The following FRAS1 variants were observed in gnomAD, a reference collection of about 807,000 sequenced individuals.
FRAS1 encodes the protein Fraser extracellular matrix complex subunit 1.
A neutral mutation model predicts 435.2 loss-of-function variants in FRAS1; 290 were observed. The ratio of observed to expected loss-of-function variants is 0.67; its 90% CI spans 0.61 to 0.73. The LOEUF is 0.73. FRAS1 is among the 30% of genes least tolerant of loss of function. The pLI is 0.00. For missense variants in FRAS1, 4,860 were observed against 5,001.5 expected (o/e 0.97, Z 0.85); for synonymous variants, 1,800 against 1,851.0 (o/e 0.97, Z 0.71).
chr4:78,448,669 CA>C (rs1560734380), intron 44 of FRAS1, among the ~76,000 whole-genome samples: 3,419 of 151,644 alleles, frequency 0.023, 142 homozygotes, highest in African/African-American at 0.077. Context: ...CCCATGGAAA[CA>C]AATAACGAAA....
rs559361213 is a variant in FRAS1 at position 78,430,149 on chromosome 4, C to T, written c.4844-143C>T. On this transcript the variant is annotated intron_variant, in intron 36 of 73. Coordinates refer to ENST00000512123, the MANE Select transcript of FRAS1 (RefSeq NM_025074.7). ...ATTATCTGTTTTTACTCTTTTGTGC[C>T]TGATTGGAATGAAGCAGTGCTTTCT... is the stretch of plus-strand genomic sequence containing the variant. 611 of 927,302 alleles carry T rather than the reference C, an allele frequency of 6.6e-4. 2 individuals are homozygous for T. Among genetic ancestry groups the T allele is most frequent in the Middle Eastern group, 3.1e-3 (11 of 3,564 alleles). The allele number at this position is 927,302 out of a possible 1,614,324, so 57.4% of individuals were successfully genotyped here.
At chr4:78,475,749 C>G (rs1719836323) in intron 54 of FRAS1, 143 bp downstream of exon 54, 1 of 718,448 alleles carries the variant, frequency 1.4e-6, no homozygotes, top group Non-Finnish European at 2.1e-6. Flanking sequence ...CCTATGTTCC[C>G]CTCCCATAGT....
chr4:78,497,787 G>A (rs1720549001), intron 60 of FRAS1, among the ~76,000 whole-genome samples: 1 of 152,116 alleles, frequency 6.6e-6, no homozygotes, highest in Non-Finnish European at 1.5e-5. Context: ...ACTCTTAAGT[G>A]ACTCTTAGGG....
intron 2 of FRAS1, among the ~76,000 whole-genome samples, chr4:78,118,270 G>A (rs556212122): frequency 1.9e-4 from 29 of 152,286 alleles, no homozygotes; most frequent in African/African-American, 5.8e-4. Flanking sequence ...TAGGCTACTC[G>A]GGGACCAGGG....
At chr4:78,194,140 A>C (rs1560574052) in intron 2 of FRAS1, among the ~76,000 whole-genome samples, 1 of 152,118 alleles carries the variant, frequency 6.6e-6, no homozygotes, top group Non-Finnish European at 1.5e-5. Context: ...CCGAGAGATC[A>C]GCTGTTAGTC....
At chr4:78,403,681 A>G (rs6810930) in intron 30 of FRAS1, among the ~76,000 whole-genome samples, 36,721 of 151,966 alleles carry the variant, frequency 0.24, 4,819 homozygotes, top group Admixed American at 0.31. Flanking sequence ...CCACTTGCAG[A>G]CTCACCACCG....
intron 69 of FRAS1, among the ~76,000 whole-genome samples, chr4:78,523,901 G>A (rs758705243): frequency 3.9e-5 from 6 of 152,076 alleles, no homozygotes; most frequent in Non-Finnish European, 7.4e-5. Context: ...TTTTATCCAC[G>A]TTAGTTACTC....
At chr4:78,496,514 C>T (rs1720510362) in intron 59 of FRAS1, among the ~76,000 whole-genome samples, 1 of 152,194 alleles carries the variant, frequency 6.6e-6, no homozygotes, top group Admixed American at 6.5e-5. Flanking sequence ...AGATGTTCTA[C>T]ATATGGTTTT....
intron 18 of FRAS1, among the ~76,000 whole-genome samples, chr4:78,327,375 G>A (rs575976753): frequency 1.3e-5 from 2 of 152,230 alleles, no homozygotes; most frequent in Non-Finnish European, 2.9e-5. Context: ...TTTTTGACAT[G>A]AAAAGCCAGG....
chr4:78,456,262 C>A (rs952932628), intron 47 of FRAS1, among the ~76,000 whole-genome samples: 4 of 149,056 alleles, frequency 2.7e-5, no homozygotes, highest in Non-Finnish European at 5.9e-5. Flanking sequence ...TGTGCCTCAG[C>A]CTCCCAAATG....
chr4:78,222,823 C>T (rs139036089), intron 2 of FRAS1, among the ~76,000 whole-genome samples: 1 of 152,280 alleles, frequency 6.6e-6, no homozygotes, highest in East Asian at 1.9e-4. Context: ...TTTTATTCAG[C>T]CAATTGACTA....
At chr4:78,537,648 G>A (rs956104369) in intron 72 of FRAS1, among the ~76,000 whole-genome samples, 5 of 152,088 alleles carry the variant, frequency 3.3e-5, no homozygotes, top group Admixed American at 2.6e-4. Context: ...TTTTGATTTA[G>A]TATCAAAAAA....
intron 2 of FRAS1, among the ~76,000 whole-genome samples, chr4:78,130,730 G>A (rs976091895): frequency 2.0e-5 from 3 of 152,176 alleles, no homozygotes; most frequent in African/African-American, 7.2e-5. Flanking sequence ...TTCTAAGAAA[G>A]AGTTATTAGA....
At chr4:78,224,915 A>T (rs545123080) in intron 2 of FRAS1, among the ~76,000 whole-genome samples, 25 of 152,136 alleles carry the variant, frequency 1.6e-4, no homozygotes, top group Non-Finnish European at 3.1e-4. Flanking sequence ...GTCTCTATGG[A>T]TATCATATTT....
intron 45 of FRAS1, 117 bp from the exon 46 acceptor site, chr4:78,451,655 C>G (rs763360571): frequency 1.4e-6 from 1 of 704,428 alleles, no homozygotes; most frequent in Non-Finnish European, 2.2e-6. Flanking sequence ...AGTGTCAAAG[C>G]GAGGAAGGTG....
At chr4:78,514,208 A>C (rs114997035) in intron 65 of FRAS1, among the ~76,000 whole-genome samples, 200 of 152,340 alleles carry the variant, frequency 1.3e-3, no homozygotes, top group African/African-American at 4.1e-3. Flanking sequence ...TACCTAGCTA[A>C]GTCACTGGAT....
Position 78,451,899 on chromosome 4 carries a change from G to C in FRAS1, c.6583+8G>C. On this transcript the variant is annotated splice_region_variant and intron_variant, in intron 46 of 73. Coordinates refer to ENST00000512123, the MANE Select transcript of FRAS1 (RefSeq NM_025074.7). ...TTTCCATCAGCATTCTAGGTAAAGAGACATTTGATTTTCTAATATAAAACT... is the reference window on the plus strand; with the variant it reads ...TTTCCATCAGCATTCTAGGTAAAGACACATTTGATTTTCTAATATAAAACT... 1.9e-6 allele frequency: 3 copies of C among 1,606,420 alleles called. No homozygotes were observed. Among genetic ancestry groups the C allele is most frequent in the Non-Finnish European group, 2.5e-6 (3 of 1,176,506 alleles).
intron 10 of FRAS1, among the ~76,000 whole-genome samples, chr4:78,280,879 G>A (rs1727301086): frequency 6.6e-6 from 1 of 152,010 alleles, no homozygotes; most frequent in South Asian, 2.1e-4. Context: ...TTTTGCTGTT[G>A]GCATTGTTTC....
In FRAS1 at chr4:78,541,307, C is replaced by A; in HGVS notation, c.*183C>A. 2.4e-6 allele frequency: 1 copy of A among 412,612 alleles called. No individual in the cohort carries two copies. The highest frequency in any genetic ancestry group is 4.3e-6 in the Non-Finnish European group (1 of 234,430). The allele number at this position is 412,612 out of a possible 1,614,324, so 25.6% of individuals were successfully genotyped here. On this transcript the variant is annotated 3_prime_UTR_variant, in exon 74 of 74. Transcript: ENST00000512123. ...ATTCAGCAAAGAACCACTGAGAACC[C>A]CAGAGTATTACAGTTATTTCCGTAG...
Sources: gnomAD v4.1 joint callset for allele counts (sites outside exome capture counted in the v4.1 genomes callset) on GRCh38, gnomAD v4.1.1 for gene constraint, MANE v1.5 for transcripts, NCBI Gene and HGNC (gene_info 2026-07-23, HGNC 2026-07-21) for gene names.